The following DPP10 variants were observed in gnomAD, a reference collection of about 807,000 sequenced individuals.
The protein encoded by DPP10 is inactive dipeptidyl peptidase 10.
DPP10 carries 33 observed loss-of-function variants against 120.9 expected under a neutral mutation model. The observed-to-expected ratio is 0.27, with a 90% CI of 0.21 to 0.37. The LOEUF (loss-of-function observed/expected upper bound fraction) is 0.37, where lower values mean the gene tolerates loss of function less well. Ranked by LOEUF, DPP10 falls within the 10% of genes least tolerant of loss-of-function variation. The pLI, the probability that DPP10 is intolerant of heterozygous loss-of-function variation, is 1.00. For synonymous variants in DPP10, 337 were observed against 326.1 expected, an observed-to-expected ratio of 1.03 and a Z score of -0.36; for missense variants, 816 against 942.8, an observed-to-expected ratio of 0.87 and a Z score of 1.76.
intron 19 of DPP10, among the ~76,000 whole-genome samples, chr2:115,807,711 C>T (rs10432602): frequency 0.41 from 61,856 of 150,096 alleles, 15,086 homozygotes; most frequent in East Asian, 0.67. Flanking sequence ...AAAAAAGGGA[C>T]AAGTAGGAGG....
intron 2 of DPP10, among the ~76,000 whole-genome samples, chr2:115,334,642 A>G (rs1010902500): frequency 1.3e-5 from 2 of 152,038 alleles, no homozygotes; most frequent in Non-Finnish European, 2.9e-5. Context: ...AGTAAATCTG[A>G]GAATACACGT....
intron 1 of DPP10, among the ~76,000 whole-genome samples, chr2:115,125,304 T>C (rs925201621): frequency 2.0e-5 from 3 of 152,198 alleles, no homozygotes; most frequent in Non-Finnish European, 2.9e-5. Context: ...ATGTATATTT[T>C]TAAAGATTTC....
chr2:115,004,392 G>C (rs6705382), intron 1 of DPP10, among the ~76,000 whole-genome samples: 4 of 151,796 alleles, frequency 2.6e-5, no homozygotes, highest in Non-Finnish European at 4.4e-5. Flanking sequence ...GAACAGCTCC[G>C]GTCTACAGCT....
At position 114,500,931 on chromosome 2, in the gene DPP10, C is replaced by T. The variant is rs182003209; in HGVS notation, c.60+58093C>T. On this transcript the variant is annotated intron_variant, in intron 1 of 25. Transcript: ENST00000410059. ...AGGGCAATGATGAATGCCTCAGAGC[C>T]GAGGGCCACAGAAAAGGCACTGGGA... Among the ~76,000 whole-genome samples the T allele has an allele frequency of 2.5e-3, 375 of 152,194 alleles. 2 individuals carry two copies. Among genetic ancestry groups the T allele is most frequent in the Middle Eastern group, 0.01 (3 of 294 alleles).
chr2:115,632,255 C>A (rs1005576936), intron 5 of DPP10, among the ~76,000 whole-genome samples: 6 of 152,056 alleles, frequency 3.9e-5, no homozygotes, highest in African/African-American at 1.4e-4. Flanking sequence ...TTCTGCTTTC[C>A]ATTTGCTTGT....
intron 1 of DPP10, among the ~76,000 whole-genome samples, chr2:115,095,574 G>GTTT (rs924847937): frequency 4.4e-5 from 6 of 137,720 alleles, no homozygotes; most frequent in Non-Finnish European, 4.7e-5. Flanking sequence ...ATTCTGTTTG[G>GTTT]TTTTTTTTTT....
At chr2:115,264,694 T>G (rs1035897044) in intron 1 of DPP10, among the ~76,000 whole-genome samples, 4 of 152,204 alleles carry the variant, frequency 2.6e-5, no homozygotes, top group African/African-American at 9.6e-5. Context: ...ATTCAAAATA[T>G]AGCTTGAGAA....
chr2:115,054,819 G>A (rs987301588), intron 1 of DPP10, among the ~76,000 whole-genome samples: 2 of 152,216 alleles, frequency 1.3e-5, no homozygotes, highest in Middle Eastern at 3.4e-3. Flanking sequence ...GGCTGAGGCA[G>A]GAGAATTGCT....
chr2:115,722,483 A>T (rs1575602729), intron 7 of DPP10, among the ~76,000 whole-genome samples: 1 of 152,034 alleles, frequency 6.6e-6, no homozygotes, highest in East Asian at 2.0e-4. Flanking sequence ...CGTTGTGCAA[A>T]CATCATAGGG....
At chr2:115,056,873 C>T (rs984604878) in intron 1 of DPP10, among the ~76,000 whole-genome samples, 4 of 152,190 alleles carry the variant, frequency 2.6e-5, no homozygotes, top group African/African-American at 9.7e-5. Flanking sequence ...TTACCTGCAA[C>T]AAAATAATCT....
chr2:114,986,980 A>G (rs1700439539), intron 1 of DPP10, among the ~76,000 whole-genome samples: 1 of 151,862 alleles, frequency 6.6e-6, no homozygotes. Context: ...TGGTTTCACT[A>G]TGTTGGCCAG....
rs187196471 is a variant in DPP10 at position 115,633,809 on chromosome 2, C to G, written c.442-55878C>G. ...ATCTTACTGGGGTTCTCTGGATTTC[C>G]TGAATTTGAATGTTCACCTGTCTTG... On this transcript the variant is annotated intron_variant, in intron 5 of 25. Transcript: ENST00000410059. 1.5e-4 allele frequency among the ~76,000 whole-genome samples: 23 copies of G among 152,098 alleles called. 1 individual carries two copies. The highest frequency in any genetic ancestry group is 1.5e-3 in the Admixed American group (23 of 15,264).
intron 5 of DPP10, among the ~76,000 whole-genome samples, chr2:115,684,692 G>T (rs551028777): frequency 6.6e-6 from 1 of 151,716 alleles, no homozygotes; most frequent in Non-Finnish European, 1.5e-5. Flanking sequence ...TAAATTACTG[G>T]GATACACTGC....
intron 3 of DPP10, among the ~76,000 whole-genome samples, chr2:115,442,944 T>C (rs2072214960): frequency 6.6e-6 from 1 of 152,156 alleles, no homozygotes; most frequent in Non-Finnish European, 1.5e-5. Context: ...AGGGATAGCA[T>C]GGTCTGGATA....
At chr2:114,673,174 C>A (rs978040328) in intron 1 of DPP10, among the ~76,000 whole-genome samples, 1 of 152,156 alleles carries the variant, frequency 6.6e-6, no homozygotes, top group Non-Finnish European at 1.5e-5. Context: ...TGTCTGTCAA[C>A]ACATCCTCAC....
chr2:114,555,817 T>A (rs989035805), intron 1 of DPP10, among the ~76,000 whole-genome samples: 1 of 152,204 alleles, frequency 6.6e-6, no homozygotes. Context: ...AGTGTAGTTG[T>A]AACCCAAATA....
At chr2:115,801,805 C>T (rs1033777344) in intron 19 of DPP10, among the ~76,000 whole-genome samples, 3 of 152,100 alleles carry the variant, frequency 2.0e-5, no homozygotes, top group Admixed American at 6.5e-5. Flanking sequence ...GGTGGATAAG[C>T]TTTTTGATGT....
intron 5 of DPP10, among the ~76,000 whole-genome samples, chr2:115,578,555 G>A (rs368397270): frequency 3.3e-5 from 5 of 152,124 alleles, no homozygotes; most frequent in Non-Finnish European, 5.9e-5. Context: ...TCAGACAAGC[G>A]AAGACATGGA....
chr2:114,569,823 C>T (rs1689484227), intron 1 of DPP10, among the ~76,000 whole-genome samples: 1 of 152,144 alleles, frequency 6.6e-6, no homozygotes, highest in Non-Finnish European at 1.5e-5. Context: ...CACACTCACA[C>T]ACACACACAC....
Sources: allele counts gnomAD v4.1 joint callset (sites outside exome capture counted in the v4.1 genomes callset), GRCh38; gene constraint gnomAD v4.1.1; transcripts MANE v1.5; gene names NCBI Gene and HGNC (gene_info 2026-07-23, HGNC 2026-07-21).